Variants in TNNI3K observed in about 807,000 individuals in gnomAD.
TNNI3K encodes serine/threonine-protein kinase TNNI3K.
Under a neutral mutation model 114.5 loss-of-function variants are expected in TNNI3K, and 140 were observed. The ratio of observed to expected loss-of-function variants is 1.22; its 90% CI spans 1.07 to 1.41. TNNI3K has a LOEUF of 1.41. TNNI3K is among the 40% of genes most tolerant of loss of function. TNNI3K has a pLI of 0.00. For synonymous variants in TNNI3K, 347 were observed against 347.5 expected (o/e 1.00, Z 0.02); for missense variants, 1,125 against 1,007.6 (o/e 1.12, Z -1.58).
At chr1:74,442,406 GTTC>G (rs1365685431) in intron 20 of TNNI3K, among the ~76,000 whole-genome samples, 1 of 151,800 alleles carries the variant, frequency 6.6e-6, no homozygotes, top group Non-Finnish European at 1.5e-5. Context: ...CTCCAACTTT[GTTC>G]TTCTTTGTTA....
intron 7 of TNNI3K, among the ~76,000 whole-genome samples, chr1:74,342,433 G>C (rs992168367): frequency 6.6e-6 from 1 of 152,036 alleles, no homozygotes; most frequent in Non-Finnish European, 1.5e-5. Context: ...CTAACCTACT[G>C]AACCCAAATC....
chr1:74,432,250 T>C (rs555851348), intron 17 of TNNI3K, among the ~76,000 whole-genome samples: 9 of 152,286 alleles, frequency 5.9e-5, no homozygotes, highest in South Asian at 4.1e-4. Flanking sequence ...ATTTGCCAGA[T>C]TCAAATCAGA....
At chr1:74,414,391 A>G (rs1377027348) in intron 17 of TNNI3K, among the ~76,000 whole-genome samples, 1 of 152,166 alleles carries the variant, frequency 6.6e-6, no homozygotes, top group Non-Finnish European at 1.5e-5. Context: ...TACTAATTTT[A>G]ACCTTTATTA....
At chr1:74,396,868 G>A (rs1402961018) in intron 17 of TNNI3K, among the ~76,000 whole-genome samples, 1 of 152,188 alleles carries the variant, frequency 6.6e-6, no homozygotes, top group Admixed American at 6.5e-5. Flanking sequence ...ACCCAGTAGG[G>A]CAAGGCCTCT....
intron 20 of TNNI3K, among the ~76,000 whole-genome samples, chr1:74,451,626 CCTT>C (rs1373684408): frequency 2.2e-5 from 3 of 139,480 alleles, no homozygotes; most frequent in Admixed American, 6.9e-5. Context: ...TTCCTTCCTT[CCTT>C]TTCTTTTTCT....
At chr1:74,524,374 A>C (rs1280666515) in intron 23 of TNNI3K, among the ~76,000 whole-genome samples, 1 of 152,210 alleles carries the variant, frequency 6.6e-6, no homozygotes, top group Non-Finnish European at 1.5e-5. Context: ...AGTCTTCTGC[A>C]CCTGACACTG....
Position 74,242,691 on chromosome 1 carries a change from C to A in TNNI3K, c.149+6481C>A, listed in dbSNP as rs566912915. On this transcript the variant is annotated intron_variant, in intron 2 of 24. Transcript: ENST00000326637. The stretch of plus-strand genomic sequence containing the variant: ...TAAGAATCGTCAACAACAAAAAAAA[C>A]CCTCAAATCCAAAAGGAAACAAAGA... Among the ~76,000 whole-genome samples the A allele has an allele frequency of 5.9e-5, 9 of 152,206 alleles. No homozygotes were observed. In the East Asian group the frequency reaches 1.7e-3, roughly 29 times the overall value.
At chr1:74,454,765 C>A (rs1667162378) in intron 20 of TNNI3K, among the ~76,000 whole-genome samples, 1 of 152,018 alleles carries the variant, frequency 6.6e-6, no homozygotes, top group African/African-American at 2.4e-5. Context: ...TATGGTAGTA[C>A]AATTGTTAGT....
chr1:74,416,674 T>A (rs1337728334), intron 17 of TNNI3K: 2 of 597,100 alleles, frequency 3.3e-6, no homozygotes, highest in African/African-American at 2.0e-5. Context: ...ATTTTTTTTC[T>A]TATTCTTACA....
intron 23 of TNNI3K, among the ~76,000 whole-genome samples, chr1:74,501,262 C>T (rs1669610268): frequency 6.6e-6 from 1 of 152,080 alleles, no homozygotes; most frequent in South Asian, 2.1e-4. Flanking sequence ...GTGTTGTTTA[C>T]TTTGTTCATT....
At chr1:74,438,781 C>G (rs143588973) in intron 19 of TNNI3K, among the ~76,000 whole-genome samples, 7 of 152,136 alleles carry the variant, frequency 4.6e-5, no homozygotes, top group African/African-American at 1.7e-4. Context: ...ATAATGTCAT[C>G]GAAACAGAGG....
Position 74,540,246 on chromosome 1 carries a change from T to C in TNNI3K, c.2364T>C (p.Tyr788=). 1 of 1,612,348 alleles carries C rather than the reference T, an allele frequency of 6.2e-7. No individual in the cohort carries two copies. Among genetic ancestry groups the C allele is most frequent in the Non-Finnish European group, 8.5e-7 (1 of 1,178,984 alleles). Residue 788 remains tyrosine, a synonymous_variant, in exon 24 of 25, where the codon TAT becomes TAC. Transcript: ENST00000326637. ...YAALSQSAGQ[Y]SSQGLSLEEM... ...ATTAATTTTCCAGTGCTGGACAATA[T>C]TCCTCTCAAGGTCTGTCTTTGGAGG...
chr1:74,487,654 G>A lies in TNNI3K; in HGVS notation c.2122-1535G>A, dbSNP rs549494045. 3.3e-5 allele frequency among the ~76,000 whole-genome samples: 5 copies of A among 152,246 alleles called. No homozygotes were observed. In the South Asian group the frequency reaches 8.3e-4, roughly 25 times the overall value. ...TAAGGTAAAGGGAAAGTGAGTGACA[G>A]CGAAAAGATGATGAAGTGAGCAAAA... is the stretch of plus-strand genomic sequence containing the variant. On this transcript the variant is annotated intron_variant, in intron 21 of 24. Coordinates refer to ENST00000326637, the MANE Select transcript of TNNI3K (RefSeq NM_015978.3).
chr1:74,474,737 G>A (rs1439555489), intron 21 of TNNI3K, among the ~76,000 whole-genome samples: 1 of 152,064 alleles, frequency 6.6e-6, no homozygotes, highest in Non-Finnish European at 1.5e-5. Context: ...AGATTCACTT[G>A]GCTCCCAGTG....
chr1:74,235,963 A>C, intron 1 of TNNI3K, 139 bp from the exon 2 acceptor site: 1 of 542,322 alleles, frequency 1.8e-6, no homozygotes, highest in African/African-American at 2.0e-5. Context: ...TCTGCATTTT[A>C]AACACACAAT....
chr1:74,392,780 T>G (rs1262138507), intron 17 of TNNI3K, among the ~76,000 whole-genome samples: 1 of 152,226 alleles, frequency 6.6e-6, no homozygotes, highest in Non-Finnish European at 1.5e-5. Flanking sequence ...TTATCATTTT[T>G]GAAACGAATG....
chr1:74,360,243 A>C (rs1164136271), intron 11 of TNNI3K, among the ~76,000 whole-genome samples: 1 of 151,942 alleles, frequency 6.6e-6, no homozygotes, highest in East Asian at 1.9e-4. Flanking sequence ...AGGTGCAAAT[A>C]AGGCCGTATT....
At chr1:74,538,846 C>A (rs530656732) in intron 23 of TNNI3K, among the ~76,000 whole-genome samples, 1 of 151,968 alleles carries the variant, frequency 6.6e-6, no homozygotes, top group South Asian at 2.1e-4. Context: ...AGAAAGAATG[C>A]CAAAAAGAAG....
chr1:74,260,897 C>A (rs1469643895), intron 4 of TNNI3K, among the ~76,000 whole-genome samples: 1 of 152,020 alleles, frequency 6.6e-6, no homozygotes, highest in Admixed American at 6.5e-5. Flanking sequence ...AAAAACCCAT[C>A]AGTTAATAGC....
Sources: gnomAD v4.1 joint callset for allele counts (sites outside exome capture counted in the v4.1 genomes callset) on GRCh38, gnomAD v4.1.1 for gene constraint, MANE v1.5 for transcripts, NCBI Gene and HGNC (gene_info 2026-07-23, HGNC 2026-07-21) for gene names.